ZNF251: variants seen among roughly 807,000 people sequenced by gnomAD.
ZNF251 encodes the protein zinc finger protein 251.
A neutral mutation model predicts 13.5 loss-of-function variants in ZNF251; 14 were observed. That is an observed-to-expected ratio of 1.04 (90% confidence interval 0.69 to 1.63). The LOEUF (loss-of-function observed/expected upper bound fraction) is 1.63. Ranked by LOEUF, ZNF251 falls within the 40% of genes most tolerant of loss-of-function variation. The pLI, the probability that ZNF251 is intolerant of heterozygous loss-of-function variation, is 0.00. For synonymous variants in ZNF251, 287 were observed against 295.2 expected (o/e 0.97, Z 0.28); for missense variants, 764 against 834.9 (o/e 0.92, Z 1.05).
At chr8:144,740,121 A>G (rs553765748) in intron 4 of ZNF251, among the ~76,000 whole-genome samples, 4 of 151,308 alleles carry the variant, frequency 2.6e-5, no homozygotes, top group Non-Finnish European at 4.4e-5. Context: ...CCCCGTCTCT[A>G]CTAAAAATAC....
At chr8:144,731,808 G>C (rs563074903) in intron 4 of ZNF251, among the ~76,000 whole-genome samples, 7 of 152,084 alleles carry the variant, frequency 4.6e-5, no homozygotes, top group Admixed American at 6.5e-5. Context: ...GGCAGGTCTC[G>C]AACTCCTGAC....
At chr8:144,738,157 A>ACACCATGC (rs1823989811) in intron 4 of ZNF251, among the ~76,000 whole-genome samples, 1 of 152,124 alleles carries the variant, frequency 6.6e-6, no homozygotes, top group Admixed American at 6.5e-5. Context: ...GCGGCCCAGC[A>ACACCATGC]CACCATGCCA....
chr8:144,739,410 T>C (rs1314066172), intron 4 of ZNF251, among the ~76,000 whole-genome samples: 1 of 151,128 alleles, frequency 6.6e-6, no homozygotes, highest in African/African-American at 2.4e-5. Context: ...ACGACTCCAC[T>C]CCCCCGCCTA....
chr8:144,730,203 C>T, intron 4 of ZNF251: 2 of 767,682 alleles, frequency 2.6e-6, no homozygotes, highest in Non-Finnish European at 3.2e-6. Flanking sequence ...AGGCGCGGGG[C>T]CCAGAGCGCC....
At chr8:144,742,527 A>G (rs928593315) in intron 4 of ZNF251, among the ~76,000 whole-genome samples, 1 of 151,156 alleles carries the variant, frequency 6.6e-6, no homozygotes, top group African/African-American at 2.4e-5. Flanking sequence ...CAGCGTCACA[A>G]TGAATGAACC....
At chr8:144,730,293 C>T (rs1357699404) in intron 4 of ZNF251, among the ~76,000 whole-genome samples, 1 of 152,236 alleles carries the variant, frequency 6.6e-6, no homozygotes, top group Non-Finnish European at 1.5e-5. Context: ...CCACGGAAAG[C>T]ACAGCGCGTG....
intron 1 of ZNF251, 200 bp from the exon 2 acceptor site, chr8:144,755,003 A>G: frequency 7.2e-7 from 1 of 1,389,484 alleles, no homozygotes; most frequent in Non-Finnish European, 9.3e-7. Flanking sequence ...GGATCCAGGG[A>G]CGCCCGGCTA....
intron 4 of ZNF251, among the ~76,000 whole-genome samples, chr8:144,741,569 G>A (rs1262148745): frequency 2.0e-5 from 3 of 152,140 alleles, no homozygotes; most frequent in Non-Finnish European, 4.4e-5. Context: ...AACAGACAAG[G>A]ATTTAAAAAC....
intron 4 of ZNF251, among the ~76,000 whole-genome samples, chr8:144,743,613 T>C (rs1824273341): frequency 6.6e-6 from 1 of 152,140 alleles, no homozygotes; most frequent in Non-Finnish European, 1.5e-5. Context: ...ATGGTAAAGG[T>C]ATGTTTAGTT....
rs748204426 is a variant in ZNF251 at position 144,753,694 on chromosome 8, C to A, written c.266G>T (p.Ser89Ile). Residue 89 changes from serine (S) to isoleucine (I), a missense_variant, in exon 4 of 5, where the codon AGC becomes ATC. Ser to Ile is a moderately radical substitution (Grantham distance 142, BLOSUM62 -2). Coordinates refer to ENST00000292562, the MANE Select transcript of ZNF251 (RefSeq NM_138367.2). Reference protein sequence around the residue: ...LGAEEPDILKSCQKDSEVGTK... With the variant: ...LGAEEPDILKICQKDSEVGTK... The stretch of plus-strand genomic sequence containing the variant: ...CCATCCATTCTCACCTTTCTGGCAG[C>A]TTTTCAAGATATCTGGTTCCTCAGC... 211 of 1,580,086 alleles carry A rather than the reference C, an allele frequency of 1.3e-4. No individual in the cohort carries two copies. The highest frequency in any genetic ancestry group is 2.6e-5 in the Non-Finnish European group (30 of 1,162,050).
At chr8:144,747,536 G>A (rs1159927451) in intron 4 of ZNF251, among the ~76,000 whole-genome samples, 3 of 152,228 alleles carry the variant, frequency 2.0e-5, no homozygotes, top group Non-Finnish European at 2.9e-5. Flanking sequence ...ACGATAGAGG[G>A]TGCTGGATCT....
Position 144,736,579 on chromosome 8 carries a change from C to T in ZNF251, c.278-13197G>A, listed in dbSNP as rs773556268. Among the ~76,000 whole-genome samples the T allele has an allele frequency of 2.6e-5, 4 of 152,048 alleles. No individual in the cohort carries two copies. The East Asian group carries it at 7.7e-4, about 29-fold the overall frequency. On this transcript the variant is annotated intron_variant, in intron 4 of 4. Transcript: ENST00000292562. The stretch of plus-strand genomic sequence containing the variant: ...TGATCTTGGCTCACCGCAACTTCCA[C>T]CTCCTGGGTTCAAGTGATTCTCCTG...
At chr8:144,751,292 A>G (rs913546410) in intron 4 of ZNF251, among the ~76,000 whole-genome samples, 20 of 152,228 alleles carry the variant, frequency 1.3e-4, no homozygotes, top group African/African-American at 4.6e-4. Flanking sequence ...ACATGTCAGA[A>G]ACAGCTAAAA....
rs184056089 is a variant in ZNF251 at position 144,737,567 on chromosome 8, A to G, written c.278-14185T>C. ...TACGAGGCTGGGCGCAGTGGCTCAC[A>G]CCTGTAATCCCAGCACTTTGGTTGG... On this transcript the variant is annotated intron_variant, in intron 4 of 4. Transcript: ENST00000292562. 5.6e-3 allele frequency among the ~76,000 whole-genome samples: 848 copies of G among 151,740 alleles called. 4 individuals are homozygous for G. Among genetic ancestry groups the G allele is most frequent in the South Asian group, 0.021 (101 of 4,786 alleles).
intron 4 of ZNF251, among the ~76,000 whole-genome samples, chr8:144,730,321 C>T (rs1043609255): frequency 6.6e-6 from 1 of 152,088 alleles, no homozygotes; most frequent in African/African-American, 2.4e-5. Flanking sequence ...GACGGGGCGT[C>T]CCGGGGGTGA....
At position 144,740,936 on chromosome 8, in the gene ZNF251, AAAACAAAAAAAAAG is replaced by A. The variant is rs547099431; in HGVS notation, c.277+12733_277+12746del. Among the ~76,000 whole-genome samples, 820 of 152,198 alleles carry A rather than the reference AAAACAAAAAAAAAG, an allele frequency of 5.4e-3. 8 individuals carry two copies. Among genetic ancestry groups the A allele is most frequent in the African/African-American group, 0.018 (763 of 41,538 alleles). ...CAAGAAGAGCGAAACTCCGTCTCAA[AAAACAAAAAAAAAG>A]AAACAAAAAAAAACCCCCAAAAATA... is the stretch of plus-strand genomic sequence containing the variant. On this transcript the variant is annotated intron_variant, in intron 4 of 4. Coordinates refer to ENST00000292562, the MANE Select transcript of ZNF251 (RefSeq NM_138367.2).
At chr8:144,732,661 A>C (rs1296592755) in intron 4 of ZNF251, among the ~76,000 whole-genome samples, 1 of 151,884 alleles carries the variant, frequency 6.6e-6, no homozygotes, top group African/African-American at 2.4e-5. Context: ...AAATACAAAA[A>C]ATTAGCTGGG....
At chr8:144,727,061 A>T (rs6997933) in intron 4 of ZNF251, among the ~76,000 whole-genome samples, 9,974 of 151,832 alleles carry the variant, frequency 0.066, 1,043 homozygotes, top group African/African-American at 0.23. Context: ...CTGAAAAAAA[A>T]TTTTTTTTAG....
chr8:144,737,242 T>C (rs1586692252), intron 4 of ZNF251, among the ~76,000 whole-genome samples: 1 of 151,404 alleles, frequency 6.6e-6, no homozygotes, highest in Admixed American at 6.6e-5. Context: ...GGATTACAGG[T>C]GCTCACTACC....
Sources: gnomAD v4.1 joint callset for allele counts (sites outside exome capture counted in the v4.1 genomes callset) on GRCh38, gnomAD v4.1.1 for gene constraint, MANE v1.5 for transcripts, NCBI Gene and HGNC (gene_info 2026-07-23, HGNC 2026-07-21) for gene names.